Variants in ZBTB43 observed in about 807,000 individuals in gnomAD.
ZBTB43 encodes the protein zinc finger and BTB domain containing 43.
In ZBTB43, 6 loss-of-function variants were observed where a neutral mutation model predicts 31.1. That is an observed-to-expected ratio of 0.19 (90% CI 0.11 to 0.38). The LOEUF is 0.38. Ranked by LOEUF, ZBTB43 falls within the 10% of genes least tolerant of loss-of-function variation. The probability of loss-of-function intolerance (pLI) is 1.00; values close to 1 mark genes in which losing one functional copy is unlikely to be tolerated. For missense variants in ZBTB43, 379 were observed against 602.1 expected (o/e 0.63, Z 3.88); for synonymous variants, 212 against 221.7 (o/e 0.96, Z 0.39).
rs1245318630 is a variant in ZBTB43 at position 126,832,867 on chromosome 9, A to G, written c.358A>G (p.Thr120Ala). The G allele has an allele frequency of 1.9e-6, 3 of 1,613,992 alleles. No homozygotes were observed. The highest frequency in any genetic ancestry group is 2.5e-6 in the Non-Finnish European group (3 of 1,180,044). ...LQMWHVVDKC[T>A]EVLEGNPTVL... ...GATGTGGCATGTGGTAGACAAATGC[A>G]CTGAAGTTTTAGAGGGAAACCCTAC... is the stretch of plus-strand genomic sequence containing the variant. The change falls in exon 3 of 3, where the codon ACT (threonine) becomes GCT (alanine). Residue 120 changes from threonine to alanine, a missense_variant. By Grantham distance (58) the Thr-to-Ala change is moderately conservative. Around this residue, in one of 5 missense-constraint regions of ZBTB43, gnomAD observed 3 missense variants for 17.9 expected, o/e 0.17. Transcript: ENST00000373464.
intron 2 of ZBTB43, among the ~76,000 whole-genome samples, chr9:126,814,004 TAGAAA>T (rs1334369099): frequency 6.6e-6 from 1 of 152,170 alleles, no homozygotes; most frequent in Non-Finnish European, 1.5e-5. Flanking sequence ...CTACAGACAG[TAGAAA>T]AGGAGTATTA....
chr9:126,826,603 A>C (rs1384628138), intron 2 of ZBTB43, among the ~76,000 whole-genome samples: 1 of 151,154 alleles, frequency 6.6e-6, no homozygotes, highest in Non-Finnish European at 1.5e-5. Flanking sequence ...AGCTGGGACT[A>C]CAGGCGCCCG....
chr9:126,811,237 A>G (rs1164973502), intron 2 of ZBTB43, among the ~76,000 whole-genome samples: 1 of 151,826 alleles, frequency 6.6e-6, no homozygotes, highest in African/African-American at 2.4e-5. Flanking sequence ...AAAAAAAAGA[A>G]GAAAAAATTA....
intron 1 of ZBTB43, among the ~76,000 whole-genome samples, chr9:126,807,473 TCAG>T (rs1402595220): frequency 2.0e-5 from 3 of 152,230 alleles, no homozygotes; most frequent in African/African-American, 7.2e-5. Context: ...GATGAGGACC[TCAG>T]CAGTTCTCTA....
intron 2 of ZBTB43, among the ~76,000 whole-genome samples, chr9:126,827,095 A>C (rs1283931933): frequency 6.6e-6 from 1 of 152,212 alleles, no homozygotes; most frequent in Admixed American, 6.5e-5. Context: ...ATCTGTTTGT[A>C]CAATGACTTT....
At chr9:126,822,586 C>G (rs1282701823) in intron 2 of ZBTB43, among the ~76,000 whole-genome samples, 1 of 152,016 alleles carries the variant, frequency 6.6e-6, no homozygotes, top group Non-Finnish European at 1.5e-5. Flanking sequence ...ACAAAAAATA[C>G]AAAAATTAGC....
intron 2 of ZBTB43, among the ~76,000 whole-genome samples, chr9:126,813,138 G>T (rs930495656): frequency 2.0e-5 from 3 of 151,816 alleles, no homozygotes; most frequent in East Asian, 3.9e-4. Context: ...GTGCCACCAC[G>T]CCCGGCTAAC....
rs1197876498 is a variant in ZBTB43, at chr9:126,837,951, C to G, written c.*4038C>G. The G allele has an allele frequency of 1.8e-5, 3 of 166,398 alleles. No homozygotes were observed. Among genetic ancestry groups the G allele is most frequent in the Non-Finnish European group, 4.4e-5 (3 of 68,034 alleles). 10.3% of individuals were successfully genotyped at this position (166,398 alleles called of 1,614,324 possible). ...CGTCCAGAAAAGTACTTTATTTATG[C>G]AAGTCAGGTGACTCTTAGGCCACAA... On this transcript the variant is annotated 3_prime_UTR_variant, in exon 3 of 3. Transcript: ENST00000373464.
rs540617801 is a variant in ZBTB43 at position 126,829,632 on chromosome 9, T to G, written c.-23-2855T>G. 2.6e-5 allele frequency among the ~76,000 whole-genome samples: 4 copies of G among 152,330 alleles called. No homozygotes were observed. The East Asian group carries it at 7.7e-4, about 29-fold the overall frequency. On this transcript the variant is annotated intron_variant, in intron 2 of 2. Coordinates refer to ENST00000373464, the MANE Select transcript of ZBTB43 (RefSeq NM_014007.4). ...ATATGCACAGGGAAGTTTCTAGAGATATAAACAGGAGTTTAATGGTGATTT... is the reference window on the plus strand; with the variant it reads ...ATATGCACAGGGAAGTTTCTAGAGAGATAAACAGGAGTTTAATGGTGATTT...
intron 2 of ZBTB43, among the ~76,000 whole-genome samples, chr9:126,823,575 G>A (rs1008826660): frequency 3.3e-5 from 5 of 152,150 alleles, no homozygotes; most frequent in East Asian, 1.9e-4. Context: ...TAGATGAGTC[G>A]TTTTTTAATC....
At chr9:126,822,481 G>A (rs931014164) in intron 2 of ZBTB43, among the ~76,000 whole-genome samples, 5 of 152,164 alleles carry the variant, frequency 3.3e-5, no homozygotes, top group African/African-American at 1.2e-4. Flanking sequence ...GGTGGCTCAT[G>A]CTTATAGTTC....
Position 126,832,771 on chromosome 9 carries a change from A to G in ZBTB43, c.262A>G (p.Ser88Gly). Reference sequence around the variant, plus strand: ...AGTGTTTGAGAACATTCTCCTATCTAGTTATACAGGACGTCTAGTAATGCC... The same window carrying G: ...AGTGTTTGAGAACATTCTCCTATCTGGTTATACAGGACGTCTAGTAATGCC... The part of the protein sequence containing the change: ...PRVFENILLS[S>G]YTGRLVMPAP... Residue 88 changes from serine (S) to glycine (G), a missense_variant, in exon 3 of 3, where the codon AGT (serine) becomes GGT (glycine). By Grantham distance (56) the Ser-to-Gly change is moderately conservative. Transcript: ENST00000373464. 1.2e-6 allele frequency: 2 copies of G among 1,614,146 alleles called. No individual in the cohort carries two copies. Among genetic ancestry groups the G allele is most frequent in the Non-Finnish European group, 1.7e-6 (2 of 1,180,032 alleles).
intron 2 of ZBTB43, among the ~76,000 whole-genome samples, chr9:126,826,704 TC>T (rs2032648976): frequency 6.6e-6 from 1 of 151,992 alleles, no homozygotes; most frequent in Admixed American, 6.6e-5. Flanking sequence ...GACCTCGTGA[TC>T]CTCACGCCTC....
intron 2 of ZBTB43, among the ~76,000 whole-genome samples, chr9:126,814,846 T>C (rs2032339921): frequency 6.6e-6 from 1 of 152,038 alleles, no homozygotes; most frequent in Non-Finnish European, 1.5e-5. Context: ...TTGAAGATAC[T>C]TTCATGGGTA....
chr9:126,828,648 A>T (rs865986390), intron 2 of ZBTB43, among the ~76,000 whole-genome samples: 6,600 of 133,284 alleles, frequency 0.05, 439 homozygotes, highest in African/African-American at 0.17. Flanking sequence ...TAATAATAAT[A>T]ATAATAATTA....
chr9:126,829,191 C>A (rs914572519), intron 2 of ZBTB43, among the ~76,000 whole-genome samples: 3 of 152,074 alleles, frequency 2.0e-5, no homozygotes, highest in Non-Finnish European at 4.4e-5. Flanking sequence ...GGTGGCATGC[C>A]TATAGACCCA....
chr9:126,826,454 CTTTTTTTTTTT>C lies in ZBTB43; in HGVS notation c.-23-6016_-23-6006del, dbSNP rs35094731. 2.5e-3 allele frequency among the ~76,000 whole-genome samples: 136 copies of C among 53,600 alleles called. 1 individual carries two copies. The highest frequency in any genetic ancestry group is 5.9e-3 in the African/African-American group (109 of 18,492). 35.2% of individuals were successfully genotyped at this position (53,600 alleles called of 152,430 possible). A position where few individuals can be genotyped will look rare whatever the true frequency, so the allele number is the denominator to read the frequency against. The stretch of plus-strand genomic sequence containing the variant: ...GCGCCACCACTCCTGGCCCCCCCGC[CTTTTTTTTTTT>C]TTTTTTTTTTTTTTTTGAGACAGAA... On this transcript the variant is annotated intron_variant, in intron 2 of 2. Transcript: ENST00000373464.
intron 2 of ZBTB43, among the ~76,000 whole-genome samples, chr9:126,814,371 A>AAAT (rs767131479): frequency 5.2e-4 from 2 of 3,868 alleles, no homozygotes; most frequent in African/African-American, 1.6e-3. Context: ...AAATTTACAA[A>AAAT]GTAAATTTAC....
chr9:126,824,663 C>T (rs2032593860), intron 2 of ZBTB43, among the ~76,000 whole-genome samples: 1 of 152,140 alleles, frequency 6.6e-6, no homozygotes, highest in Non-Finnish European at 1.5e-5. Context: ...TAGTGAGGAT[C>T]TCTTTTACGT....
Sources: gnomAD v4.1 joint callset for allele counts (sites outside exome capture counted in the v4.1 genomes callset) on GRCh38, gnomAD v4.1.1 for gene constraint, gnomAD v4.1.1 regional missense constraint, MANE v1.5 for transcripts, NCBI Gene and HGNC (gene_info 2026-07-23, HGNC 2026-07-21) for gene names.